The following ANK3 variants were observed in gnomAD, a reference collection of about 807,000 sequenced individuals.
ANK3 encodes the protein ankyrin 3.
ANK3 carries 57 observed loss-of-function variants against 370.9 expected under a neutral mutation model. That is an observed-to-expected ratio of 0.15 (90% confidence interval 0.12 to 0.19). The LOEUF (loss-of-function observed/expected upper bound fraction) is 0.19, where lower values mean the gene tolerates loss of function less well. Among genes scored for constraint, ANK3 ranks in the 10% least tolerant of loss-of-function variants. ANK3 has a pLI of 1.00. For missense variants in ANK3, 4,439 were observed against 5,302.1 expected, an observed-to-expected ratio of 0.84 and a Z score of 5.06; for synonymous variants, 1,929 against 1,946.3, an observed-to-expected ratio of 0.99 and a Z score of 0.23.
intron 42 of ANK3, chr10:60,044,481 A>G (rs1324597097): frequency 3.3e-6 from 1 of 301,130 alleles, no homozygotes; most frequent in Non-Finnish European, 4.9e-6. Context: ...AGTGCAAGGG[A>G]AAAAGGCTGA....
chr10:60,530,342 G>A (rs2076574873), intron 2 of ANK3, among the ~76,000 whole-genome samples: 1 of 151,380 alleles, frequency 6.6e-6, no homozygotes, highest in African/African-American at 2.4e-5. Context: ...GAAGAATCAA[G>A]AAACTAAATT....
At chr10:60,330,172 C>G (rs2050881411) in intron 1 of ANK3, among the ~76,000 whole-genome samples, 1 of 152,134 alleles carries the variant, frequency 6.6e-6, no homozygotes, top group Non-Finnish European at 1.5e-5. Context: ...AGACCTAAAA[C>G]CATAAAAACC....
At chr10:60,396,646 T>G (rs2132891357) in intron 2 of ANK3, among the ~76,000 whole-genome samples, 1 of 152,346 alleles carries the variant, frequency 6.6e-6, no homozygotes, top group South Asian at 2.1e-4. Context: ...CATAGTCAAA[T>G]GTAACATTCT....
At chr10:60,395,435 A>G (rs2063197509) in intron 2 of ANK3, among the ~76,000 whole-genome samples, 1 of 152,242 alleles carries the variant, frequency 6.6e-6, no homozygotes, top group South Asian at 2.1e-4. Context: ...ACTCGTCTAC[A>G]TAAAGAACTT....
chr10:60,317,839 G>A (rs568417799), intron 1 of ANK3, among the ~76,000 whole-genome samples: 10 of 151,062 alleles, frequency 6.6e-5, no homozygotes, highest in Non-Finnish European at 1.5e-4. Context: ...TCAGCCTCCC[G>A]AGTAGCTGGG....
In ANK3 at chr10:60,114,347, GTAAAT is replaced by G. The variant is rs753510031; in HGVS notation, c.2842-21_2842-17del. 6.8e-7 allele frequency: 1 copy of G among 1,472,474 alleles called. No homozygotes were observed. The highest frequency in any genetic ancestry group is 1.2e-5 in the South Asian group (1 of 84,700). 91.2% of individuals were successfully genotyped at this position (1,472,474 alleles called of 1,614,324 possible). A position where few individuals can be genotyped will look rare whatever the true frequency, so the allele number is the denominator to read the frequency against. ...ATGTTAGATGCTGAAAAATAAAATG[GTAAAT>G]TAAATTACATCAACAAACCATACAA... is the stretch of plus-strand genomic sequence containing the variant. On this transcript the variant is annotated splice_polypyrimidine_tract_variant and intron_variant, in intron 25 of 43. Coordinates refer to ENST00000280772, the MANE Select transcript of ANK3 (RefSeq NM_020987.5).
At chr10:60,596,756 T>C (rs1313490874) in intron 2 of ANK3, among the ~76,000 whole-genome samples, 2 of 152,142 alleles carry the variant, frequency 1.3e-5, no homozygotes, top group African/African-American at 4.8e-5. Context: ...AATATAGAAT[T>C]CTCCTGATTA....
At chr10:60,622,903 C>T (rs2078357128) in intron 1 of ANK3, among the ~76,000 whole-genome samples, 1 of 152,170 alleles carries the variant, frequency 6.6e-6, no homozygotes, top group Non-Finnish European at 1.5e-5. Context: ...TGCATACTGA[C>T]CAAAGAACGC....
intron 29 of ANK3, among the ~76,000 whole-genome samples, chr10:60,087,427 C>A (rs183057350): frequency 6.6e-6 from 1 of 152,170 alleles, no homozygotes; most frequent in Non-Finnish European, 1.5e-5. Context: ...GAGCTTCATA[C>A]CCCTGAAATG....
chr10:60,185,433 A>C (rs2096299411), intron 17 of ANK3, among the ~76,000 whole-genome samples: 1 of 152,226 alleles, frequency 6.6e-6, no homozygotes, highest in Non-Finnish European at 1.5e-5. Context: ...CATGTACTAA[A>C]GGACAAAACT....
intron 7 of ANK3, among the ~76,000 whole-genome samples, chr10:60,237,329 C>T (rs1228122386): frequency 3.3e-5 from 5 of 152,240 alleles, no homozygotes; most frequent in East Asian, 1.9e-4. Flanking sequence ...AAGGAAACAC[C>T]GACCAATAGG....
intron 2 of ANK3, among the ~76,000 whole-genome samples, chr10:60,541,787 C>T (rs141452420): frequency 4.3e-4 from 66 of 152,054 alleles, no homozygotes; most frequent in African/African-American, 1.5e-3. Context: ...AGCATCCTGA[C>T]AGGCTTTTCC....
At chr10:60,204,424 A>G (rs964420798) in intron 11 of ANK3, among the ~76,000 whole-genome samples, 2 of 152,222 alleles carry the variant, frequency 1.3e-5, no homozygotes, top group East Asian at 1.9e-4. Context: ...TAAACTTTCT[A>G]TTTTATACTT....
intron 9 of ANK3, among the ~76,000 whole-genome samples, chr10:60,212,100 G>A (rs1469629240): frequency 6.6e-6 from 1 of 151,806 alleles, no homozygotes; most frequent in African/African-American, 2.4e-5. Context: ...TAAAAGATTG[G>A]AAGAAAAAAA....
chr10:60,460,526 C>A (rs536625447), intron 2 of ANK3, among the ~76,000 whole-genome samples: 1 of 152,224 alleles, frequency 6.6e-6, no homozygotes, highest in South Asian at 2.1e-4. Context: ...TCAGGGTGTT[C>A]TGAAGGCCCT....
intron 1 of ANK3, among the ~76,000 whole-genome samples, chr10:60,619,803 G>T (rs1243588031): frequency 6.6e-6 from 1 of 152,146 alleles, no homozygotes; most frequent in African/African-American, 2.4e-5. Flanking sequence ...CCTGTTTGCC[G>T]AAACTGATGC....
intron 2 of ANK3, among the ~76,000 whole-genome samples, chr10:60,465,390 A>T (rs2064987338): frequency 6.6e-6 from 1 of 152,236 alleles, no homozygotes; most frequent in African/African-American, 2.4e-5. Flanking sequence ...GCACAAAATT[A>T]CAGATCAATA....
At chr10:60,078,771 G>A (rs1243014366) in intron 36 of ANK3, among the ~76,000 whole-genome samples, 1 of 152,162 alleles carries the variant, frequency 6.6e-6, no homozygotes, top group Non-Finnish European at 1.5e-5. Flanking sequence ...CATAACACCA[G>A]TTTTGAGACT....
At chr10:60,544,051 G>C (rs1297827448) in intron 2 of ANK3, among the ~76,000 whole-genome samples, 1 of 152,114 alleles carries the variant, frequency 6.6e-6, no homozygotes, top group Non-Finnish European at 1.5e-5. Context: ...TGCCTGGCTT[G>C]CTACAGTGCA....
Sources: gnomAD v4.1 joint callset for allele counts (sites outside exome capture counted in the v4.1 genomes callset) on GRCh38, gnomAD v4.1.1 for gene constraint, MANE v1.5 for transcripts, NCBI Gene and HGNC (gene_info 2026-07-23, HGNC 2026-07-21) for gene names.